The following GNAQ variants were observed in gnomAD, a reference collection of about 807,000 sequenced individuals.
GNAQ encodes the protein G protein subunit alpha q, also known as guanine nucleotide-binding protein G(q) subunit alpha.
GNAQ carries 8 observed loss-of-function variants against 43.9 expected under a neutral mutation model. The observed-to-expected ratio is 0.18, with a 90% CI of 0.11 to 0.33. The LOEUF is 0.33. Among genes scored for constraint, GNAQ ranks in the 10% least tolerant of loss-of-function variants. The pLI is 1.00. For synonymous variants in GNAQ, 155 were observed against 170.7 expected, an observed-to-expected ratio of 0.91 and a Z score of 0.71; for missense variants, 158 against 450.8, an observed-to-expected ratio of 0.35 and a Z score of 5.88.
chr9:77,750,872 A>G (rs538836572), intron 5 of GNAQ, among the ~76,000 whole-genome samples: 1 of 152,212 alleles, frequency 6.6e-6, no homozygotes, highest in East Asian at 1.9e-4. Flanking sequence ...GCAGGTGATC[A>G]ATAAATTTTT....
chr9:77,888,630 TA>T (rs34736307), intron 2 of GNAQ, among the ~76,000 whole-genome samples: 1 of 152,152 alleles, frequency 6.6e-6, no homozygotes, highest in Non-Finnish European at 1.5e-5. Flanking sequence ...CTGCTTGCCT[TA>T]AAAAAAGTAC....
chr9:77,967,411 G>C (rs755024202), intron 1 of GNAQ, among the ~76,000 whole-genome samples: 1 of 152,024 alleles, frequency 6.6e-6, no homozygotes, highest in Non-Finnish European at 1.5e-5. Flanking sequence ...GGTAGATTTC[G>C]GGTCCAGCTT....
intron 5 of GNAQ, among the ~76,000 whole-genome samples, chr9:77,791,055 C>T (rs965502011): frequency 1.3e-5 from 2 of 152,080 alleles, no homozygotes; most frequent in African/African-American, 4.8e-5. Context: ...CAAGGAGGGC[C>T]TAGGGTAGGG....
intron 5 of GNAQ, among the ~76,000 whole-genome samples, chr9:77,759,415 AT>A (rs10711927): frequency 0.64 from 97,311 of 151,870 alleles, 31,991 homozygotes; most frequent in Non-Finnish European, 0.72. Context: ...TTCATAAGGC[AT>A]TTTTTTTCTG....
intron 5 of GNAQ, among the ~76,000 whole-genome samples, chr9:77,791,000 T>C (rs1826562025): frequency 1.3e-5 from 2 of 152,324 alleles, no homozygotes; most frequent in African/African-American, 2.4e-5. Context: ...GTTTGAAGGA[T>C]GAATACATGT....
At chr9:77,997,517 G>A (rs1483067237) in intron 1 of GNAQ, among the ~76,000 whole-genome samples, 1 of 152,166 alleles carries the variant, frequency 6.6e-6, no homozygotes, top group Non-Finnish European at 1.5e-5. Context: ...ACCTTAGCAG[G>A]TAAGGTACAG....
chr9:77,818,678 CT>C (rs1053703865), intron 2 of GNAQ, among the ~76,000 whole-genome samples: 5 of 152,094 alleles, frequency 3.3e-5, no homozygotes, highest in African/African-American at 1.2e-4. Flanking sequence ...AACAGACTAT[CT>C]TGTTTATTTT....
intron 2 of GNAQ, among the ~76,000 whole-genome samples, chr9:77,894,269 A>G (rs1828450824): frequency 7.0e-6 from 1 of 142,418 alleles, no homozygotes; most frequent in Admixed American, 7.3e-5. Flanking sequence ...GTCATAAAAG[A>G]AGCAGTATTG....
Position 77,717,044 on chromosome 9 carries a change from T to A in GNAQ, c.*4279A>T. The stretch of plus-strand genomic sequence containing the variant: ...CTCCAAAAATCTCTAGCTAATCATA[T>A]ACAACTAAGCCATTTCTTTTCCTAA... On this transcript the variant is annotated 3_prime_UTR_variant, in exon 7 of 7. Coordinates refer to ENST00000286548, the MANE Select transcript of GNAQ (RefSeq NM_002072.5). The A allele has an allele frequency of 8.6e-6, 2 of 232,828 alleles. No individual in the cohort carries two copies. Among genetic ancestry groups the A allele is most frequent in the Non-Finnish European group, 1.7e-5 (2 of 117,810 alleles). The allele number at this position is 232,828 out of a possible 1,614,324, so 14.4% of individuals were successfully genotyped here. A position where few individuals can be genotyped will look rare whatever the true frequency, so the allele number is the denominator to read the frequency against.
In GNAQ at chr9:77,768,261, G is replaced by A. The variant is rs542428436; in HGVS notation, c.735+26202C>T. ...CACTTTTTGCTAAAACTGCTAATGG[G>A]AAGTTAACTCTGAATAACCCCAAAT... On this transcript the variant is annotated intron_variant, in intron 5 of 6. Transcript: ENST00000286548. Among the ~76,000 whole-genome samples the A allele has an allele frequency of 1.3e-4, 20 of 152,278 alleles. 1 individual carries two copies. The South Asian group carries it at 3.7e-3, about 28-fold the overall frequency.
At chr9:77,995,174 TTAA>T (rs1823553890) in intron 1 of GNAQ, among the ~76,000 whole-genome samples, 1 of 152,198 alleles carries the variant, frequency 6.6e-6, no homozygotes, top group Non-Finnish European at 1.5e-5. Context: ...AGCACTATTA[TTAA>T]TAATACCCCC....
intron 3 of GNAQ, among the ~76,000 whole-genome samples, chr9:77,799,564 T>G (rs1203495191): frequency 6.6e-6 from 1 of 152,220 alleles, no homozygotes; most frequent in Non-Finnish European, 1.5e-5. Context: ...GTGGTATTTC[T>G]GTATGAATGA....
intron 2 of GNAQ, among the ~76,000 whole-genome samples, chr9:77,916,324 T>C (rs1477871094): frequency 2.6e-5 from 4 of 152,210 alleles, no homozygotes; most frequent in African/African-American, 9.6e-5. Flanking sequence ...AGGTGGGAAA[T>C]ACTAAAATGA....
intron 2 of GNAQ, among the ~76,000 whole-genome samples, chr9:77,903,327 G>A (rs557811233): frequency 7.9e-5 from 12 of 152,306 alleles, no homozygotes; most frequent in South Asian, 4.1e-4. Flanking sequence ...GGTGTTGGAC[G>A]CTAGAGATGC....
intron 1 of GNAQ, among the ~76,000 whole-genome samples, chr9:77,951,092 C>CTTTTTTTTT (rs35044662): frequency 1.5e-4 from 13 of 89,296 alleles, no homozygotes; most frequent in African/African-American, 3.2e-4. Flanking sequence ...GTCAAGTGTT[C>CTTTTTTTTT]TTTTTTTTTT....
At chr9:77,900,480 T>C (rs1163768436) in intron 2 of GNAQ, among the ~76,000 whole-genome samples, 1 of 152,188 alleles carries the variant, frequency 6.6e-6, no homozygotes, top group Non-Finnish European at 1.5e-5. Context: ...TGATAATATC[T>C]ACTTGTGGTT....
intron 2 of GNAQ, among the ~76,000 whole-genome samples, chr9:77,914,128 A>G (rs891083017): frequency 2.0e-5 from 3 of 152,212 alleles, no homozygotes; most frequent in African/African-American, 7.2e-5. Flanking sequence ...AAATGAATAA[A>G]GAACTGCAAA....
intron 2 of GNAQ, among the ~76,000 whole-genome samples, chr9:77,884,042 CA>C (rs1345388362): frequency 6.6e-6 from 1 of 152,210 alleles, no homozygotes; most frequent in Non-Finnish European, 1.5e-5. Context: ...TCTCTAACTG[CA>C]GATAAAATCT....
intron 2 of GNAQ, among the ~76,000 whole-genome samples, chr9:77,918,405 A>T (rs1828946729): frequency 1.3e-5 from 2 of 152,232 alleles, no homozygotes; most frequent in African/African-American, 4.8e-5. Context: ...CAATAATATA[A>T]ATCAGAATGT....
Sources: gnomAD v4.1 joint callset for allele counts (sites outside exome capture counted in the v4.1 genomes callset) on GRCh38, gnomAD v4.1.1 for gene constraint, MANE v1.5 for transcripts, NCBI Gene and HGNC (gene_info 2026-07-23, HGNC 2026-07-21) for gene names.